OSBPL6: variants seen among roughly 807,000 people sequenced by gnomAD.
OSBPL6 encodes the protein oxysterol binding protein like 6.
In OSBPL6, 49 loss-of-function variants were observed where a neutral mutation model predicts 125.8. The ratio of observed to expected loss-of-function variants is 0.39; its 90% CI spans 0.31 to 0.49. OSBPL6 has a LOEUF of 0.49. Ranked by LOEUF, OSBPL6 falls within the 20% of genes least tolerant of loss-of-function variation. The pLI is 0.88. For synonymous variants in OSBPL6, 394 were observed against 391.8 expected (o/e 1.01, Z -0.07); for missense variants, 986 against 1,135.4 (o/e 0.87, Z 1.89).
chr2:178,218,163 G>T (rs1210889507), intron 1 of OSBPL6, among the ~76,000 whole-genome samples: 1 of 152,150 alleles, frequency 6.6e-6, no homozygotes, highest in Non-Finnish European at 1.5e-5. Context: ...GAATAGGATA[G>T]AATTTGTTTC....
intron 1 of OSBPL6, among the ~76,000 whole-genome samples, chr2:178,272,245 G>A (rs1447131483): frequency 6.6e-6 from 1 of 152,178 alleles, no homozygotes; most frequent in African/African-American, 2.4e-5. Flanking sequence ...GTCAACTTCT[G>A]CCCAAGTAGT....
intron 9 of OSBPL6, among the ~76,000 whole-genome samples, chr2:178,336,939 C>T (rs959963007): frequency 6.6e-6 from 1 of 152,206 alleles, no homozygotes; most frequent in Non-Finnish European, 1.5e-5. Context: ...TTGTAAAATG[C>T]TGCATCTTAT....
intron 1 of OSBPL6, among the ~76,000 whole-genome samples, chr2:178,204,025 CTTTTT>C (rs1166160655): frequency 7.8e-6 from 1 of 129,004 alleles, no homozygotes; most frequent in African/African-American, 2.9e-5. Context: ...TTTTCTTTTT[CTTTTT>C]TTTTTTTTTT....
chr2:178,246,187 C>A (rs149316469), intron 1 of OSBPL6, among the ~76,000 whole-genome samples: 21 of 152,118 alleles, frequency 1.4e-4, no homozygotes, highest in Admixed American at 5.2e-4. Context: ...TTTTTCACTG[C>A]GAGAGTATTA....
chr2:178,335,219 T>C (rs1363718883), intron 8 of OSBPL6, among the ~76,000 whole-genome samples: 1 of 152,044 alleles, frequency 6.6e-6, no homozygotes, highest in Non-Finnish European at 1.5e-5. Flanking sequence ...ATTAAATTTA[T>C]TGATGAAAAT....
At chr2:178,261,130 TCAAAACAAAACAATACAAA>T (rs1158215942) in intron 1 of OSBPL6, among the ~76,000 whole-genome samples, 1 of 151,906 alleles carries the variant, frequency 6.6e-6, no homozygotes, top group Non-Finnish European at 1.5e-5. Flanking sequence ...AAACTCCATC[TCAAAACAAAACAATACAAA>T]CAAAACAAAA....
intron 1 of OSBPL6, among the ~76,000 whole-genome samples, chr2:178,237,956 A>G (rs1356798368): frequency 6.6e-6 from 1 of 152,188 alleles, no homozygotes; most frequent in Non-Finnish European, 1.5e-5. Context: ...GTTTCTGACA[A>G]TACTCATTAC....
chr2:178,313,588 GA>G (rs756362724), intron 3 of OSBPL6, among the ~76,000 whole-genome samples: 12 of 151,974 alleles, frequency 7.9e-5, no homozygotes, highest in Non-Finnish European at 1.5e-4. Context: ...ACATTTTAAG[GA>G]AAAAATATAA....
rs889709950 is a variant in OSBPL6 at position 178,355,922 on chromosome 2, G to T, written c.1154-5760G>T. Among the ~76,000 whole-genome samples, 3 of 120,054 alleles carry T rather than the reference G, an allele frequency of 2.5e-5. No individual in the cohort carries two copies. The Admixed American group carries it at 2.6e-4, about 10-fold the overall frequency. 78.8% of individuals were successfully genotyped at this position (120,054 alleles called of 152,430 possible). On this transcript the variant is annotated intron_variant, in intron 12 of 24. Transcript: ENST00000190611. The stretch of plus-strand genomic sequence containing the variant: ...GTCAGCTTCATCCCTGGGATGCAAG[G>T]CTGGTTCAACATATGCAAATCAATA...
In OSBPL6 at chr2:178,365,182, T is replaced by A. The variant is rs1004681403; in HGVS notation, c.1287+3367T>A. On this transcript the variant is annotated intron_variant, in intron 13 of 24. Coordinates refer to ENST00000190611, the MANE Select transcript of OSBPL6 (RefSeq NM_032523.4). Reference sequence around the variant, plus strand: ...TGAGAGTGAAACTCCATCTCAAAAATAAATAAATAAAAAACTTATTTAAGT... The same window carrying A: ...TGAGAGTGAAACTCCATCTCAAAAAAAAATAAATAAAAAACTTATTTAAGT... 5.9e-5 allele frequency among the ~76,000 whole-genome samples: 9 copies of A among 151,940 alleles called. No homozygotes were observed. In the East Asian group the frequency reaches 1.2e-3, roughly 20 times the overall value.
chr2:178,308,809 G>A (rs1350088975), intron 3 of OSBPL6, among the ~76,000 whole-genome samples: 2 of 145,716 alleles, frequency 1.4e-5, no homozygotes, highest in Non-Finnish European at 3.0e-5. Context: ...CCCACTGTCA[G>A]CTCCCTCTCA....
intron 12 of OSBPL6, among the ~76,000 whole-genome samples, chr2:178,356,468 T>G (rs1691805980): frequency 6.6e-6 from 1 of 152,166 alleles, no homozygotes; most frequent in Admixed American, 6.5e-5. Context: ...AGCCAAATCA[T>G]GAGTGAACTC....
intron 4 of OSBPL6, among the ~76,000 whole-genome samples, chr2:178,325,483 T>C (rs924136831): frequency 1.3e-5 from 2 of 152,226 alleles, no homozygotes; most frequent in African/African-American, 4.8e-5. Context: ...AAAACATAAG[T>C]GGTCTGACTT....
At chr2:178,324,491 A>C (rs148082873) in intron 4 of OSBPL6, among the ~76,000 whole-genome samples, 1 of 152,232 alleles carries the variant, frequency 6.6e-6, no homozygotes, top group Non-Finnish European at 1.5e-5. Context: ...GTTACATTCA[A>C]AGGTCCAAAA....
At chr2:178,366,058 T>C (rs1244850984) in intron 13 of OSBPL6, among the ~76,000 whole-genome samples, 3 of 152,136 alleles carry the variant, frequency 2.0e-5, no homozygotes, top group Admixed American at 6.5e-5. Flanking sequence ...GTCCGGCTAA[T>C]TTTTTGTGTT....
At chr2:178,322,985 A>T (rs1042756529) in intron 3 of OSBPL6, among the ~76,000 whole-genome samples, 4 of 151,226 alleles carry the variant, frequency 2.6e-5, no homozygotes, top group African/African-American at 9.7e-5. Flanking sequence ...TTTCGCTCTC[A>T]TGTATTTGAA....
Position 178,241,091 on chromosome 2 carries a change from T to C in OSBPL6, c.-350-43836T>C, listed in dbSNP as rs2091269910. 5.3e-5 allele frequency among the ~76,000 whole-genome samples: 8 copies of C among 152,282 alleles called. No individual in the cohort carries two copies. The South Asian group carries it at 1.7e-3, about 32-fold the overall frequency. On this transcript the variant is annotated intron_variant, in intron 1 of 24. Transcript: ENST00000190611. ...ATATTTAGTTCATTTAAATTTGATATCTTAAGTGTACTAATGCCACTCTGC... is the reference window on the plus strand; with the variant it reads ...ATATTTAGTTCATTTAAATTTGATACCTTAAGTGTACTAATGCCACTCTGC...
intron 1 of OSBPL6, among the ~76,000 whole-genome samples, chr2:178,267,993 A>G (rs746053651): frequency 6.6e-6 from 1 of 152,164 alleles, no homozygotes; most frequent in Non-Finnish European, 1.5e-5. Flanking sequence ...AAATATTGGC[A>G]TGAATGAATT....
chr2:178,364,997 G>A (rs1004327752), intron 13 of OSBPL6, among the ~76,000 whole-genome samples: 47 of 152,180 alleles, frequency 3.1e-4, no homozygotes, highest in African/African-American at 2.9e-4. Context: ...GCCAACAGGC[G>A]AAACCCCATC....
Sources: gnomAD v4.1 joint callset for allele counts (sites outside exome capture counted in the v4.1 genomes callset) on GRCh38, gnomAD v4.1.1 for gene constraint, MANE v1.5 for transcripts, NCBI Gene and HGNC (gene_info 2026-07-23, HGNC 2026-07-21) for gene names.